Variants in VPS13A observed in about 807,000 individuals in gnomAD.
VPS13A encodes the protein vacuolar protein sorting 13 homolog A, also known as intermembrane lipid transfer protein VPS13A.
VPS13A carries 264 observed loss-of-function variants against 390.9 expected under a neutral mutation model. The observed-to-expected ratio is 0.68, with a 90% CI of 0.61 to 0.75. VPS13A has a LOEUF of 0.75. Ranked by LOEUF, VPS13A falls within the 30% of genes least tolerant of loss-of-function variation. VPS13A has a pLI of 0.00. For missense variants in VPS13A, 3,409 were observed against 3,733.9 expected, an observed-to-expected ratio of 0.91 and a Z score of 2.27; for synonymous variants, 1,231 against 1,227.1, an observed-to-expected ratio of 1.00 and a Z score of -0.07.
At chr9:77,405,762 T>C (rs2131654186) in intron 69 of VPS13A, 102 bp from the exon 70 acceptor site, 1 of 1,426,554 alleles carries the variant, frequency 7.0e-7, no homozygotes, top group Admixed American at 1.8e-5. Flanking sequence ...TCTATGTTGA[T>C]GAATATTGCA....
In VPS13A at chr9:77,353,542, A is replaced by G; in HGVS notation, c.7553A>G (p.Glu2518Gly). ...GTAACATATGAAAGTGAGAAAGCAG[A>G]GTTAGCAGAGCAAGAAATTGCAGTG... The part of the protein sequence containing the change: ...FKVTYESEKA[E>G]LAEQEIAVAL... The change falls in exon 54 of 72, where the codon GAG (glutamate) becomes GGG (glycine). Residue 2518 changes from glutamate to glycine, a missense_variant. Physicochemically the swap from Glu to Gly is moderately conservative, Grantham distance 98. Coordinates refer to ENST00000360280, the MANE Select transcript of VPS13A (RefSeq NM_033305.3). The G allele has an allele frequency of 6.2e-7, 1 of 1,613,610 alleles. No individual in the cohort carries two copies. Among genetic ancestry groups the G allele is most frequent in the Non-Finnish European group, 8.5e-7 (1 of 1,179,662 alleles).
intron 17 of VPS13A, among the ~76,000 whole-genome samples, chr9:77,237,356 A>G (rs1194010442): frequency 6.6e-6 from 1 of 151,816 alleles, no homozygotes; most frequent in Non-Finnish European, 1.5e-5. Context: ...TGGTTTTTAA[A>G]TGTTTATTAA....
At position 77,353,655 on chromosome 9, in the gene VPS13A, A is replaced by C. The variant is rs1285397213; in HGVS notation, c.7652+14A>C. The C allele has an allele frequency of 6.3e-7, 1 of 1,589,682 alleles. No individual in the cohort carries two copies. The highest frequency in any genetic ancestry group is 1.7e-5 in the Admixed American group (1 of 59,894). On this transcript the variant is annotated intron_variant, in intron 54 of 71. Transcript: ENST00000360280. ...AGGCATTACAAGGTTAGATGCATTAAATTTTGGATACATTTAAATGATCAG... is the reference window on the plus strand; with the variant it reads ...AGGCATTACAAGGTTAGATGCATTACATTTTGGATACATTTAAATGATCAG...
intron 26 of VPS13A, chr9:77,279,898 T>C (rs912454529): frequency 4.1e-6 from 1 of 242,132 alleles, no homozygotes; most frequent in Non-Finnish European, 8.1e-6. Context: ...TGTTTTTTCT[T>C]ACCTTACCTC....
intron 52 of VPS13A, among the ~76,000 whole-genome samples, chr9:77,346,343 A>T (rs1248570902): frequency 2.0e-5 from 3 of 152,006 alleles, no homozygotes; most frequent in Admixed American, 1.3e-4. Context: ...TCATGTCCTT[A>T]GCCCACTTTT....
intron 55 of VPS13A, among the ~76,000 whole-genome samples, 179 bp from the exon 56 acceptor site, chr9:77,357,513 G>A: frequency 6.6e-6 from 1 of 151,812 alleles, no homozygotes; most frequent in South Asian, 2.1e-4. Flanking sequence ...AAGTAATGCA[G>A]TGAAGCTTTG....
At chr9:77,219,108 A>T (rs536098695) in intron 10 of VPS13A, among the ~76,000 whole-genome samples, 2 of 152,140 alleles carry the variant, frequency 1.3e-5, no homozygotes, top group South Asian at 4.1e-4. Context: ...GGATCAGTGA[A>T]TTGTAGGTCC....
intron 23 of VPS13A, among the ~76,000 whole-genome samples, chr9:77,265,430 C>A (rs996981456): frequency 6.6e-6 from 1 of 152,028 alleles, no homozygotes; most frequent in African/African-American, 2.4e-5. Flanking sequence ...TGGTCGTGGG[C>A]TTTTTTTGGT....
chr9:77,346,379 T>G (rs772147640), intron 52 of VPS13A, among the ~76,000 whole-genome samples: 3 of 152,182 alleles, frequency 2.0e-5, no homozygotes, highest in Non-Finnish European at 2.9e-5. Flanking sequence ...TTTTTGTTTT[T>G]GTTTTCTTGC....
chr9:77,339,477 A>G, intron 47 of VPS13A, 39 bp from the exon 48 acceptor site: 1 of 1,498,568 alleles, frequency 6.7e-7, no homozygotes, highest in Non-Finnish European at 8.9e-7. Context: ...ATTCTGCAAC[A>G]TTTTAAATTT....
In VPS13A at chr9:77,228,015, T is replaced by C. The variant is rs998903417; in HGVS notation, c.1453-107T>C. 3 of 837,178 alleles carry C rather than the reference T, an allele frequency of 3.6e-6. No homozygotes were observed. The African/African-American group carries it at 5.3e-5, about 15-fold the overall frequency. 51.9% of individuals were successfully genotyped at this position (837,178 alleles called of 1,614,324 possible). A position where few individuals can be genotyped will look rare whatever the true frequency, so the allele number is the denominator to read the frequency against. ...TGTGATGATTCTTGAAGAAATAAAA[T>C]GTCCTTAAAATATTTGGTGGTTTTT... On this transcript the variant is annotated intron_variant, in intron 16 of 71. Coordinates refer to ENST00000360280, the MANE Select transcript of VPS13A (RefSeq NM_033305.3).
chr9:77,177,998 A>G (rs1292361386), intron 1 of VPS13A, 194 bp downstream of exon 1: 6 of 572,412 alleles, frequency 1.0e-5, no homozygotes, highest in Non-Finnish European at 1.9e-5. Flanking sequence ...AGTTGTTTAT[A>G]TTTTGGGGGA....
At chr9:77,335,819 GAAAT>G (rs1360368406) in intron 46 of VPS13A, among the ~76,000 whole-genome samples, 1 of 152,144 alleles carries the variant, frequency 6.6e-6, no homozygotes, top group African/African-American at 2.4e-5. Flanking sequence ...TCTAGAACCA[GAAAT>G]ACCATTTGAC....
At chr9:77,385,677 TG>T (rs2131620791) in intron 68 of VPS13A, among the ~76,000 whole-genome samples, 1 of 152,202 alleles carries the variant, frequency 6.6e-6, no homozygotes, top group South Asian at 2.1e-4. Context: ...ATATGATCTT[TG>T]GTAGTTAGAA....
chr9:77,197,236 G>A (rs1825056731), intron 1 of VPS13A, among the ~76,000 whole-genome samples: 1 of 152,142 alleles, frequency 6.6e-6, no homozygotes, highest in South Asian at 2.1e-4. Context: ...TGTGTATTCT[G>A]CTGTTGGTGG....
At chr9:77,311,453 A>ATC (rs1206131791) in intron 35 of VPS13A, among the ~76,000 whole-genome samples, 2 of 150,632 alleles carry the variant, frequency 1.3e-5, no homozygotes, top group Non-Finnish European at 3.0e-5. Context: ...GTTAGGGTTC[A>ATC]TCTTTCTCCT....
chr9:77,244,078 A>G (rs1483934653), intron 19 of VPS13A, among the ~76,000 whole-genome samples: 1 of 152,082 alleles, frequency 6.6e-6, no homozygotes, highest in Admixed American at 6.6e-5. Context: ...TCTCTACAAA[A>G]AATTACAAAA....
intron 34 of VPS13A, chr9:77,305,786 C>T (rs1441248850): frequency 2.0e-5 from 3 of 152,450 alleles, no homozygotes; most frequent in East Asian, 3.8e-4. Context: ...ATCATTTAGT[C>T]TAATGCATCC....
intron 5 of VPS13A, among the ~76,000 whole-genome samples, chr9:77,207,733 T>G (rs778009596): frequency 2.0e-5 from 3 of 152,148 alleles, no homozygotes; most frequent in Non-Finnish European, 4.4e-5. Context: ...CTAACTTAAC[T>G]GCTCCTTATA....
Sources: allele counts gnomAD v4.1 joint callset (sites outside exome capture counted in the v4.1 genomes callset), GRCh38; gene constraint gnomAD v4.1.1; transcripts MANE v1.5; gene names NCBI Gene and HGNC (gene_info 2026-07-23, HGNC 2026-07-21).